Variants in KLF8 observed in about 807,000 individuals in gnomAD.
KLF8 encodes the protein Krueppel-like factor 8.
In KLF8, 10 loss-of-function variants were observed where a neutral mutation model predicts 18.2. The ratio of observed to expected loss-of-function variants is 0.55; its 90% CI spans 0.34 to 0.93. The LOEUF is 0.93. KLF8 is among the 40% of genes least tolerant of loss of function. The probability of loss-of-function intolerance (pLI) is 0.02; values close to 1 mark genes in which losing one functional copy is unlikely to be tolerated. For missense variants in KLF8, 264 were observed against 277.9 expected (o/e 0.95, Z 0.36); for synonymous variants, 109 against 97.3 (o/e 1.12, Z -0.71).
the KLF8 span, among the ~76,000 whole-genome samples, chrX:56,195,548 A>T: frequency 1.8e-5 from 2 of 112,168 alleles, no homozygotes; most frequent in Non-Finnish European, 3.8e-5. Context: ...AGTAGAAAGA[A>T]ACAAACAAAG....
the KLF8 span, among the ~76,000 whole-genome samples, chrX:56,100,793 T>C: frequency 8.9e-6 from 1 of 112,120 alleles, no homozygotes; most frequent in Non-Finnish European, 1.9e-5. Context: ...AAAACTTGAA[T>C]GGATGAGGAA....
At chrX:56,005,378 T>G in the KLF8 span, among the ~76,000 whole-genome samples, 1 of 112,059 alleles carries the variant, frequency 8.9e-6, no homozygotes, top group Non-Finnish European at 1.9e-5. Context: ...AGGGTGCACA[T>G]TGCATTAGCT....
the KLF8 span, among the ~76,000 whole-genome samples, chrX:56,200,403 A>G: frequency 9.0e-6 from 1 of 110,712 alleles, no homozygotes; most frequent in Non-Finnish European, 1.9e-5. Context: ...ATAATATTAA[A>G]TGGTGTTGGG....
the KLF8 span, among the ~76,000 whole-genome samples, chrX:56,069,135 G>T: frequency 9.0e-6 from 1 of 110,862 alleles, no homozygotes; most frequent in South Asian, 3.8e-4. Flanking sequence ...ACCCACCCAT[G>T]CCACTGACAG....
chrX:55,952,185 G>T, the KLF8 span, among the ~76,000 whole-genome samples: 1 of 112,235 alleles, frequency 8.9e-6, no homozygotes, highest in African/African-American at 3.2e-5. Flanking sequence ...TTACAGCAAA[G>T]TGAGGAGGTG....
At chrX:56,075,860 G>A in the KLF8 span, among the ~76,000 whole-genome samples, 1 of 111,565 alleles carries the variant, frequency 9.0e-6, no homozygotes, top group Admixed American at 9.5e-5. Flanking sequence ...TATTTTTATG[G>A]CTGAATAGTA....
At chrX:56,053,657 G>C in the KLF8 span, among the ~76,000 whole-genome samples, 3 of 107,018 alleles carry the variant, frequency 2.8e-5, no homozygotes, top group African/African-American at 1.0e-4. Flanking sequence ...TAATTGGTAG[G>C]CTATTTATTA....
chrX:56,008,993 C>T, the KLF8 span, among the ~76,000 whole-genome samples: 546 of 111,636 alleles, frequency 4.9e-3, 2 homozygotes, highest in Non-Finnish European at 8.1e-3. Flanking sequence ...ATGGATTAGT[C>T]GACTGAGTCT....
At chrX:55,972,169 G>C in the KLF8 span, among the ~76,000 whole-genome samples, 30 of 111,698 alleles carry the variant, frequency 2.7e-4, 1 homozygote, top group East Asian at 5.0e-3. Context: ...AATGGATAAA[G>C]AAAATGTGGT....
At chrX:55,955,496 C>T in the KLF8 span, among the ~76,000 whole-genome samples, 1 of 111,410 alleles carries the variant, frequency 9.0e-6, no homozygotes, top group Non-Finnish European at 1.9e-5. Context: ...TTAAAGGTAA[C>T]TCTCACTGCT....
the KLF8 span, among the ~76,000 whole-genome samples, chrX:55,924,849 CTTTTTTTTTTTTT>C: frequency 4.7e-5 from 2 of 42,937 alleles, no homozygotes; most frequent in African/African-American, 9.7e-5. Context: ...TTGTTTTTTG[CTTTTTTTTTTTTT>C]TTTTTTTTTT....
the KLF8 span, among the ~76,000 whole-genome samples, chrX:55,926,234 T>C: frequency 9.0e-6 from 1 of 111,465 alleles, no homozygotes; most frequent in African/African-American, 3.3e-5. Context: ...GGATGCCCCC[T>C]ATTCAAATCC....
the KLF8 span, among the ~76,000 whole-genome samples, chrX:56,068,962 C>G: frequency 8.9e-6 from 1 of 112,234 alleles, no homozygotes; most frequent in African/African-American, 3.2e-5. Context: ...AACACCTGGT[C>G]AGCCATGCAC....
the KLF8 span, among the ~76,000 whole-genome samples, chrX:56,167,902 G>A: frequency 1.8e-5 from 2 of 111,808 alleles, no homozygotes; most frequent in Non-Finnish European, 3.8e-5. Context: ...GCAAACCAAA[G>A]TGGATAAATT....
the KLF8 span, among the ~76,000 whole-genome samples, chrX:56,194,292 G>A: frequency 3.6e-5 from 4 of 111,640 alleles, no homozygotes; most frequent in African/African-American, 9.8e-5. Context: ...AAAGGGGTTG[G>A]GGGATATCCC....
chrX:56,083,494 T>A, the KLF8 span, among the ~76,000 whole-genome samples: 1 of 112,245 alleles, frequency 8.9e-6, no homozygotes, highest in Non-Finnish European at 1.9e-5. Flanking sequence ...ATAAAGCTTT[T>A]TTTGATTATC....
chrX:56,054,400 A>G, the KLF8 span, among the ~76,000 whole-genome samples: 5 of 111,612 alleles, frequency 4.5e-5, no homozygotes, highest in Admixed American at 4.8e-4. Context: ...ATGGTTTTGA[A>G]TGAATTTTTT....
At chrX:55,945,060 CTT>C in the KLF8 span, among the ~76,000 whole-genome samples, 1 of 111,469 alleles carries the variant, frequency 9.0e-6, no homozygotes, top group African/African-American at 3.3e-5. Context: ...CAAAGAACAT[CTT>C]TATCTCTGCC....
At chrX:56,136,945 T>G in the KLF8 span, among the ~76,000 whole-genome samples, 30 of 110,947 alleles carry the variant, frequency 2.7e-4, no homozygotes, top group South Asian at 0.011. Context: ...GTGGGCAAAG[T>G]ACATGAACAG....
Sources: gnomAD v4.1 joint callset for allele counts (sites outside exome capture counted in the v4.1 genomes callset) on GRCh38, gnomAD v4.1.1 for gene constraint, MANE v1.5 for transcripts, NCBI Gene and HGNC (gene_info 2026-07-23, HGNC 2026-07-21) for gene names.